SLC35F1: variants seen among roughly 807,000 people sequenced by gnomAD.
SLC35F1 encodes solute carrier family 35 member F1, also known as chromosome 6 open reading frame 169.
SLC35F1 carries 14 observed loss-of-function variants against 48.7 expected under a neutral mutation model. The observed-to-expected ratio is 0.29, with a 90% confidence interval of 0.19 to 0.45. The LOEUF (loss-of-function observed/expected upper bound fraction) is 0.45, where lower values mean the gene tolerates loss of function less well. SLC35F1 is among the 20% of genes least tolerant of loss of function. The pLI, the probability that SLC35F1 is intolerant of heterozygous loss-of-function variation, is 1.00. For synonymous variants in SLC35F1, 190 were observed against 202.2 expected, an observed-to-expected ratio of 0.94 and a Z score of 0.51; for missense variants, 404 against 500.0, an observed-to-expected ratio of 0.81 and a Z score of 1.83.
In SLC35F1 at chr6:117,997,166, G is replaced by A. The variant is rs560389739; in HGVS notation, c.173+89267G>A. On this transcript the variant is annotated intron_variant, in intron 1 of 7. Coordinates refer to ENST00000360388, the MANE Select transcript of SLC35F1 (RefSeq NM_001029858.4). ...AGCTGATGCGATCAACTGGAAGAAA[G>A]GGTATCAGTGATGGAAGATGAAATG... Among the ~76,000 whole-genome samples the A allele has an allele frequency of 1.7e-3, 253 of 152,222 alleles. 2 individuals carry two copies. The highest frequency in any genetic ancestry group is 5.7e-3 in the African/African-American group (238 of 41,546).
intron 1 of SLC35F1, among the ~76,000 whole-genome samples, chr6:117,984,098 A>G (rs1467322350): frequency 6.6e-6 from 1 of 152,218 alleles, no homozygotes; most frequent in African/African-American, 2.4e-5. Flanking sequence ...TATATATTTG[A>G]TAGTAACACA....
chr6:117,968,910 C>G (rs1465578909), intron 1 of SLC35F1, among the ~76,000 whole-genome samples: 1 of 152,192 alleles, frequency 6.6e-6, no homozygotes, highest in Admixed American at 6.5e-5. Context: ...GTCTACTTGT[C>G]TATATATCTC....
At chr6:118,278,071 G>C (rs1404642457) in intron 6 of SLC35F1, among the ~76,000 whole-genome samples, 1 of 152,206 alleles carries the variant, frequency 6.6e-6, no homozygotes, top group Non-Finnish European at 1.5e-5. Flanking sequence ...GAAAATACCA[G>C]ACACGCTTTG....
At chr6:118,305,144 G>T (rs903320791) in intron 7 of SLC35F1, among the ~76,000 whole-genome samples, 1 of 148,234 alleles carries the variant, frequency 6.7e-6, no homozygotes, top group Non-Finnish European at 1.5e-5. Flanking sequence ...TCAGGCCATT[G>T]AGGGCTGACA....
At chr6:118,294,583 A>G (rs1045217853) in intron 7 of SLC35F1, among the ~76,000 whole-genome samples, 2 of 152,222 alleles carry the variant, frequency 1.3e-5, no homozygotes, top group African/African-American at 4.8e-5. Flanking sequence ...TCATGAGAAC[A>G]TGTTATTTTC....
intron 2 of SLC35F1, among the ~76,000 whole-genome samples, chr6:118,204,702 T>G (rs1774912589): frequency 6.6e-6 from 1 of 152,100 alleles, no homozygotes; most frequent in Non-Finnish European, 1.5e-5. Flanking sequence ...GTGAATAAGT[T>G]ATAAGAATTT....
At chr6:118,018,094 C>T (rs766743019) in intron 1 of SLC35F1, among the ~76,000 whole-genome samples, 21 of 152,098 alleles carry the variant, frequency 1.4e-4, no homozygotes, top group African/African-American at 4.8e-4. Flanking sequence ...CATAATAGGC[C>T]GGGCACGGTG....
intron 7 of SLC35F1, among the ~76,000 whole-genome samples, chr6:118,307,976 C>T (rs574722022): frequency 6.6e-6 from 1 of 152,314 alleles, no homozygotes; most frequent in East Asian, 1.9e-4. Flanking sequence ...CTCTCCCTCC[C>T]TATAAGGACA....
chr6:117,923,630 T>TATGTAC lies in SLC35F1; in HGVS notation c.173+15733_173+15734insGTACAT, dbSNP rs1562238543. 2.9e-4 allele frequency among the ~76,000 whole-genome samples: 26 copies of TATGTAC among 90,824 alleles called. 5 individuals carry two copies. The highest frequency in any genetic ancestry group is 3.8e-4 in the South Asian group (1 of 2,630). The allele number at this position is 90,824 out of a possible 152,430, so 59.6% of individuals were successfully genotyped here. Reference sequence around the variant, plus strand: ...ATACATATACATATGTATATATACATATATGTACATATGTACATATGTACA... The same window carrying TATGTAC: ...ATACATATACATATGTATATATACATATGTACATATGTACATATGTACATATGTACA... On this transcript the variant is annotated intron_variant, in intron 1 of 7. Transcript: ENST00000360388.
intron 1 of SLC35F1, among the ~76,000 whole-genome samples, chr6:118,138,854 C>T (rs972982687): frequency 6.6e-6 from 1 of 152,012 alleles, no homozygotes; most frequent in African/African-American, 2.4e-5. Context: ...TCACGTACAA[C>T]TCATTTGAAT....
At chr6:118,236,636 G>T (rs1462807377) in intron 3 of SLC35F1, among the ~76,000 whole-genome samples, 1 of 152,230 alleles carries the variant, frequency 6.6e-6, no homozygotes, top group Non-Finnish European at 1.5e-5. Flanking sequence ...AGCTTGAAAT[G>T]AAAGTAATTA....
chr6:118,218,736 G>T (rs562831204), intron 2 of SLC35F1, among the ~76,000 whole-genome samples: 3 of 152,142 alleles, frequency 2.0e-5, no homozygotes, highest in East Asian at 1.9e-4. Flanking sequence ...GATCAATTTT[G>T]GTTCCCAAGG....
At chr6:118,226,939 A>G (rs1775226481) in intron 2 of SLC35F1, among the ~76,000 whole-genome samples, 2 of 152,226 alleles carry the variant, frequency 1.3e-5, no homozygotes, top group African/African-American at 4.8e-5. Flanking sequence ...TCAAATTGTC[A>G]AATGTACCCC....
At chr6:118,127,998 A>C (rs1319083371) in intron 1 of SLC35F1, among the ~76,000 whole-genome samples, 2 of 152,190 alleles carry the variant, frequency 1.3e-5, no homozygotes, top group East Asian at 3.9e-4. Flanking sequence ...AAAGTGGGCA[A>C]AGGATATGAA....
At chr6:117,964,668 C>G in intron 1 of SLC35F1, among the ~76,000 whole-genome samples, 1 of 152,216 alleles carries the variant, frequency 6.6e-6, no homozygotes, top group East Asian at 1.9e-4. Context: ...GGCTTCCTAA[C>G]TCCACTTCTC....
chr6:117,912,038 A>G (rs1247998505), intron 1 of SLC35F1, among the ~76,000 whole-genome samples: 1 of 152,156 alleles, frequency 6.6e-6, no homozygotes, highest in Non-Finnish European at 1.5e-5. Flanking sequence ...TATTATTTTC[A>G]GTTGTTAACA....
chr6:118,295,420 G>T (rs1444150271), intron 7 of SLC35F1, among the ~76,000 whole-genome samples: 2 of 152,168 alleles, frequency 1.3e-5, no homozygotes, highest in Admixed American at 1.3e-4. Flanking sequence ...TTAGTAGACA[G>T]CAGTATCAAC....
intron 3 of SLC35F1, among the ~76,000 whole-genome samples, chr6:118,253,053 A>T (rs1433230344): frequency 1.3e-5 from 2 of 152,130 alleles, no homozygotes; most frequent in Non-Finnish European, 2.9e-5. Context: ...AGTTCAGGAG[A>T]TAGATCCAGA....
At chr6:118,121,763 A>T (rs1039319837) in intron 1 of SLC35F1, among the ~76,000 whole-genome samples, 1 of 152,196 alleles carries the variant, frequency 6.6e-6, no homozygotes, top group Non-Finnish European at 1.5e-5. Context: ...TCTTTTGCTC[A>T]GTTGAGAGGA....
Sources: allele counts gnomAD v4.1 joint callset (sites outside exome capture counted in the v4.1 genomes callset), GRCh38; gene constraint gnomAD v4.1.1; transcripts MANE v1.5; gene names NCBI Gene and HGNC (gene_info 2026-07-23, HGNC 2026-07-21).